Variants in P2RY8 observed in about 807,000 individuals in gnomAD.
P2RY8 encodes the protein S-geranylgeranyl-glutathione receptor P2RY8.
P2RY8 carries 6 observed loss-of-function variants against 10.0 expected under a neutral mutation model. The observed-to-expected ratio is 0.60, with a 90% confidence interval of 0.33 to 1.19. P2RY8 has a LOEUF of 1.19. P2RY8 is among the 50% of genes most tolerant of loss of function. The pLI, the probability that P2RY8 is intolerant of heterozygous loss-of-function variation, is 0.04. For missense variants in P2RY8, 456 were observed against 542.0 expected, an observed-to-expected ratio of 0.84 and a Z score of 1.58; for synonymous variants, 276 against 252.5, an observed-to-expected ratio of 1.09 and a Z score of -0.88.
At chrX:1,522,737 C>G (rs2092401828) in intron 1 of P2RY8, among the ~76,000 whole-genome samples, 1 of 151,930 alleles carries the variant, frequency 6.6e-6, no homozygotes, top group Non-Finnish European at 1.5e-5. Flanking sequence ...AGTCACTGCA[C>G]TCCAGCCTGG....
intron 1 of P2RY8, among the ~76,000 whole-genome samples, chrX:1,507,072 C>T (rs778426095): frequency 2.5e-5 from 1 of 40,036 alleles, no homozygotes; most frequent in African/African-American, 5.8e-5. Context: ...ATAACTCAGA[C>T]CTGGTCAAGT....
intron 1 of P2RY8, among the ~76,000 whole-genome samples, chrX:1,514,804 C>T (rs547112385): frequency 0.29 from 11,287 of 39,088 alleles, 3,160 homozygotes; most frequent in East Asian, 0.57. Flanking sequence ...CTTCCCTTCC[C>T]TTCCTTTCCT....
At chrX:1,515,821 A>G (rs370497302) in intron 1 of P2RY8, among the ~76,000 whole-genome samples, 2 of 151,246 alleles carry the variant, frequency 1.3e-5, no homozygotes, top group East Asian at 1.9e-4. Context: ...TCTGGGGGAG[A>G]TTAGGGTGGG....
At chrX:1,509,139 C>G (rs1337202586) in intron 1 of P2RY8, among the ~76,000 whole-genome samples, 38 of 149,048 alleles carry the variant, frequency 2.5e-4, no homozygotes, top group East Asian at 1.6e-3. Context: ...ATCTATCTAT[C>G]TATCATCTAT....
chrX:1,463,564 A>C lies in P2RY8; in HGVS notation c.*1915T>G, dbSNP rs761149353. ...AATAATCCAGCACAATCTCATCTTC[A>C]TATCCTTAAGTAATTACACATGCAA... On this transcript the variant is annotated 3_prime_UTR_variant, in exon 2 of 2. Transcript: ENST00000381297. The C allele has an allele frequency of 4.3e-6, 1 of 232,774 alleles. No individual in the cohort carries two copies. The highest frequency in any genetic ancestry group is 6.1e-5 in the East Asian group (1 of 16,520). 14.4% of individuals were successfully genotyped at this position (232,774 alleles called of 1,614,324 possible).
At chrX:1,505,747 G>A (rs1439568713) in intron 1 of P2RY8, among the ~76,000 whole-genome samples, 4 of 151,942 alleles carry the variant, frequency 2.6e-5, no homozygotes, top group Admixed American at 1.3e-4. Flanking sequence ...CCGACATGGC[G>A]CCATTGCACT....
At chrX:1,508,704 TTCTATCTATCTATCTATCTATCTA>T (rs61715773) in intron 1 of P2RY8, among the ~76,000 whole-genome samples, 4 of 112,084 alleles carry the variant, frequency 3.6e-5, no homozygotes, top group South Asian at 2.9e-4. Flanking sequence ...CATCCATCCA[TTCTATCTATCTATCTATCTATCTA>T]TCTATCTATC....
Position 1,536,257 on chromosome X carries a change from G to GT in P2RY8, c.-25+663dup, listed in dbSNP as rs1462782506. Among the ~76,000 whole-genome samples, 157 of 150,220 alleles carry GT rather than the reference G, an allele frequency of 1.0e-3. 1 individual carries two copies. The highest frequency in any genetic ancestry group is 1.6e-3 in the Admixed American group (24 of 15,058). ...AAGAGAGGCGCATTTCATGGAATGA[G>GT]TTTTTTTTTGTTTTTTTTTTTCTAA... On this transcript the variant is annotated intron_variant, in intron 1 of 1. Transcript: ENST00000381297.
intron 1 of P2RY8, among the ~76,000 whole-genome samples, chrX:1,513,021 GC>G (rs1447804941): frequency 4.8e-5 from 5 of 104,652 alleles, no homozygotes; most frequent in Non-Finnish European, 9.6e-5. Flanking sequence ...CCCTCCCCTT[GC>G]CCCCCCACCC....
chrX:1,485,345 C>T lies in P2RY8; in HGVS notation c.-24-18763G>A, dbSNP rs1358364153. Among the ~76,000 whole-genome samples, 5 of 152,000 alleles carry T rather than the reference C, an allele frequency of 3.3e-5. No individual in the cohort carries two copies. The South Asian group carries it at 1.0e-3, about 32-fold the overall frequency. ...CAAAGATGGGCATTGTACCATGTTG[C>T]CCAGGCTGGTCTCAAATTCCTGAGG... On this transcript the variant is annotated intron_variant, in intron 1 of 1. Coordinates refer to ENST00000381297, the MANE Select transcript of P2RY8 (RefSeq NM_178129.5).
intron 1 of P2RY8, among the ~76,000 whole-genome samples, chrX:1,524,213 A>G (rs1446445108): frequency 2.0e-5 from 3 of 152,054 alleles, no homozygotes; most frequent in Non-Finnish European, 4.4e-5. Context: ...GGGAGCATTG[A>G]GAATGTCCCT....
chrX:1,515,227 TTTA>T (rs1247624811), intron 1 of P2RY8, among the ~76,000 whole-genome samples: 1 of 150,106 alleles, frequency 6.7e-6, no homozygotes, highest in African/African-American at 2.4e-5. Context: ...TTTCTTTTCT[TTTA>T]TTATTATTAT....
intron 1 of P2RY8, among the ~76,000 whole-genome samples, chrX:1,524,600 T>C (rs2092421739): frequency 7.5e-6 from 1 of 133,386 alleles, no homozygotes. Flanking sequence ...CATCCATTCA[T>C]CCATCTATCC....
chrX:1,488,070 G>A (rs189673460), intron 1 of P2RY8, among the ~76,000 whole-genome samples: 3 of 151,612 alleles, frequency 2.0e-5, no homozygotes, highest in Admixed American at 2.0e-4. Context: ...AGATCGTGCC[G>A]CTGCACTCCA....
At chrX:1,487,014 A>G (rs1444870285) in intron 1 of P2RY8, among the ~76,000 whole-genome samples, 12 of 152,214 alleles carry the variant, frequency 7.9e-5, no homozygotes, top group African/African-American at 2.2e-4. Flanking sequence ...GGCCGTAGCC[A>G]GCCTGGCCTC....
intron 1 of P2RY8, among the ~76,000 whole-genome samples, chrX:1,484,734 AAAAAAAAAAAAAAAG>A (rs2091970865): frequency 7.2e-6 from 1 of 138,408 alleles, no homozygotes; most frequent in African/African-American, 2.6e-5. Context: ...TAAAAAAAAA[AAAAAAAAAAAAAAAG>A]AAGAAGAAGA....
chrX:1,531,974 T>C (rs2092478847), intron 1 of P2RY8, among the ~76,000 whole-genome samples: 1 of 152,094 alleles, frequency 6.6e-6, no homozygotes, highest in Non-Finnish European at 1.5e-5. Flanking sequence ...CGTAAACTAG[T>C]ACAGCCACTA....
intron 1 of P2RY8, among the ~76,000 whole-genome samples, chrX:1,471,805 C>G (rs1293372161): frequency 6.6e-6 from 1 of 152,082 alleles, no homozygotes; most frequent in African/African-American, 2.4e-5. Flanking sequence ...GGTGACAGAC[C>G]CTTTTTTGCC....
chrX:1,518,984 C>T (rs750003158), intron 1 of P2RY8, among the ~76,000 whole-genome samples: 1 of 151,980 alleles, frequency 6.6e-6, no homozygotes, highest in Non-Finnish European at 1.5e-5. Context: ...TTTCTCAGAT[C>T]CCCAATATTC....
Sources: gnomAD v4.1 joint callset for allele counts (sites outside exome capture counted in the v4.1 genomes callset) on GRCh38, gnomAD v4.1.1 for gene constraint, MANE v1.5 for transcripts, NCBI Gene and HGNC (gene_info 2026-07-23, HGNC 2026-07-21) for gene names.